Variants in COG6 observed in about 807,000 individuals in gnomAD.
COG6 encodes the protein conserved oligomeric Golgi complex subunit 6.
COG6 carries 74 observed loss-of-function variants against 88.8 expected under a neutral mutation model. The observed-to-expected ratio is 0.83, with a 90% CI of 0.69 to 1.01. COG6 has a LOEUF of 1.01. Among genes scored for constraint, COG6 ranks in the 50% least tolerant of loss-of-function variants. COG6 has a pLI of 0.00. For missense variants in COG6, 800 were observed against 797.9 expected, an observed-to-expected ratio of 1.00 and a Z score of -0.03; for synonymous variants, 286 against 278.7, an observed-to-expected ratio of 1.03 and a Z score of -0.26.
intron 8 of COG6, among the ~76,000 whole-genome samples, chr13:39,684,174 T>C (rs1366960622): frequency 6.8e-6 from 1 of 147,922 alleles, no homozygotes; most frequent in Non-Finnish European, 1.5e-5. Context: ...GGAACTATAA[T>C]AGGCAAAGAA....
intron 13 of COG6, among the ~76,000 whole-genome samples, chr13:39,716,936 T>C (rs116069752): frequency 6.6e-6 from 1 of 152,154 alleles, no homozygotes; most frequent in Non-Finnish European, 1.5e-5. Flanking sequence ...TTTGTTGGAG[T>C]CTTGACCAGT....
At chr13:39,708,148 T>G (rs369959523) in intron 13 of COG6, among the ~76,000 whole-genome samples, 218 of 152,306 alleles carry the variant, frequency 1.4e-3, no homozygotes, top group African/African-American at 4.8e-3. Context: ...GAACAATTTT[T>G]CATGTTTATT....
intron 15 of COG6, among the ~76,000 whole-genome samples, chr13:39,722,148 T>C (rs1878881654): frequency 6.6e-6 from 1 of 152,066 alleles, no homozygotes; most frequent in Non-Finnish European, 1.5e-5. Context: ...ATTTGCTCTG[T>C]ATTACTTTCC....
At position 39,692,839 on chromosome 13, in the gene COG6, G is replaced by A. The variant is rs577560193; in HGVS notation, c.1075-1795G>A. On this transcript the variant is annotated intron_variant, in intron 11 of 18. Transcript: ENST00000455146. ...TTAGGATTTATTGAGTGCTTATGAT[G>A]TGCCAGGGTCTGTTCCAACATACTT... is the stretch of plus-strand genomic sequence containing the variant. 6.7e-4 allele frequency among the ~76,000 whole-genome samples: 102 copies of A among 152,134 alleles called. 1 individual carries two copies. Among genetic ancestry groups the A allele is most frequent in the African/African-American group, 2.4e-3 (101 of 41,526 alleles).
At chr13:39,774,571 TTTC>T (rs1354491368) in intron 18 of COG6, among the ~76,000 whole-genome samples, 3 of 151,902 alleles carry the variant, frequency 2.0e-5, no homozygotes, top group Non-Finnish European at 4.4e-5. Context: ...TGGAAAAAAA[TTTC>T]TTTTTTCTTT....
At chr13:39,745,129 A>G (rs1880270958) in intron 18 of COG6, among the ~76,000 whole-genome samples, 1 of 152,244 alleles carries the variant, frequency 6.6e-6, no homozygotes, top group South Asian at 2.1e-4. Context: ...ACCTAAAACC[A>G]TAAAAACCCT....
At chr13:39,739,534 A>G (rs1050637292) in intron 18 of COG6, among the ~76,000 whole-genome samples, 2 of 152,146 alleles carry the variant, frequency 1.3e-5, no homozygotes, top group African/African-American at 4.8e-5. Context: ...GATATAAAAA[A>G]TCATTTAAAA....
At chr13:39,697,620 C>T (rs1425723371) in intron 12 of COG6, among the ~76,000 whole-genome samples, 2 of 152,050 alleles carry the variant, frequency 1.3e-5, no homozygotes, top group East Asian at 1.9e-4. Flanking sequence ...TGCATTGTCT[C>T]ACCATGTAGT....
intron 4 of COG6, among the ~76,000 whole-genome samples, chr13:39,670,373 G>A (rs1429982550): frequency 2.0e-5 from 3 of 151,960 alleles, no homozygotes; most frequent in African/African-American, 4.8e-5. Context: ...AATAATCTCT[G>A]GAGAATGTTT....
At position 39,682,960 on chromosome 13, in the gene COG6, G is replaced by GT. The variant is rs138895902; in HGVS notation, c.788+697dup. Among the ~76,000 whole-genome samples, 1,229 of 152,152 alleles carry GT rather than the reference G, an allele frequency of 8.1e-3. 18 individuals are homozygous for GT. The highest frequency in any genetic ancestry group is 0.028 in the African/African-American group (1,165 of 41,516). ...AGGAAACGAGGGGACTCTTACCAAG[G>GT]TAGTGCATCCTGCTTTGAATCATCC... is the stretch of plus-strand genomic sequence containing the variant. On this transcript the variant is annotated intron_variant, in intron 8 of 18. Transcript: ENST00000455146.
Position 39,724,491 on chromosome 13 carries a change from T to C in COG6, c.1693-17T>C. 2 of 1,533,494 alleles carry C rather than the reference T, an allele frequency of 1.3e-6. No homozygotes were observed. The highest frequency in any genetic ancestry group is 1.8e-6 in the Non-Finnish European group (2 of 1,132,356). 95.0% of individuals were successfully genotyped at this position (1,533,494 alleles called of 1,614,324 possible). A position where few individuals can be genotyped will look rare whatever the true frequency, so the allele number is the denominator to read the frequency against. ...TTTACATCTTGGATCTGCTTTTTTT[T>C]TTTTTTTTTTAAATAGGGCTCTTTA... On this transcript the variant is annotated splice_polypyrimidine_tract_variant and intron_variant, in intron 16 of 18. Coordinates refer to ENST00000455146, the MANE Select transcript of COG6 (RefSeq NM_020751.3).
At chr13:39,738,010 C>T (rs77674388) in intron 18 of COG6, among the ~76,000 whole-genome samples, 3,314 of 152,228 alleles carry the variant, frequency 0.022, 53 homozygotes, top group Middle Eastern at 0.034. Flanking sequence ...TCTCTCTCCG[C>T]GCCATGCTGC....
At chr13:39,719,599 T>C in intron 14 of COG6, 61 bp from the exon 15 acceptor site, 8 of 1,493,524 alleles carry the variant, frequency 5.4e-6, no homozygotes, top group Non-Finnish European at 7.4e-6. Context: ...TTAAATATCA[T>C]TAACCCAAGA....
At chr13:39,702,851 A>C (rs1036876347) in intron 13 of COG6, among the ~76,000 whole-genome samples, 2 of 152,112 alleles carry the variant, frequency 1.3e-5, no homozygotes, top group Non-Finnish European at 1.5e-5. Flanking sequence ...GAAAAGATCA[A>C]TATACAAATG....
chr13:39,668,983 C>T (rs1875453578), intron 4 of COG6, among the ~76,000 whole-genome samples: 1 of 151,302 alleles, frequency 6.6e-6, no homozygotes, highest in Non-Finnish European at 1.5e-5. Flanking sequence ...TACATTTTAT[C>T]ATTTGTAGAT....
At chr13:39,739,997 C>CT (rs1383281442) in intron 18 of COG6, among the ~76,000 whole-genome samples, 1 of 151,952 alleles carries the variant, frequency 6.6e-6, no homozygotes, top group Non-Finnish European at 1.5e-5. Flanking sequence ...AAGTAAAAGA[C>CT]TTTATTATAA....
intron 18 of COG6, among the ~76,000 whole-genome samples, chr13:39,741,810 A>G (rs1880057933): frequency 6.6e-6 from 1 of 152,124 alleles, no homozygotes; most frequent in African/African-American, 2.4e-5. Flanking sequence ...TGTCAGATTC[A>G]CCAAGATTGA....
intron 18 of COG6, among the ~76,000 whole-genome samples, chr13:39,740,513 CA>C (rs1879988569): frequency 6.6e-6 from 1 of 152,160 alleles, no homozygotes; most frequent in South Asian, 2.1e-4. Flanking sequence ...GAAGTAGAGC[CA>C]TGATTTGTAT....
intron 4 of COG6, among the ~76,000 whole-genome samples, chr13:39,672,455 T>G (rs1875707867): frequency 1.3e-5 from 2 of 152,024 alleles, no homozygotes. Flanking sequence ...TTAACCTACT[T>G]TCTGCCTCTC....
Sources: gnomAD v4.1 joint callset for allele counts (sites outside exome capture counted in the v4.1 genomes callset) on GRCh38, gnomAD v4.1.1 for gene constraint, MANE v1.5 for transcripts, NCBI Gene and HGNC (gene_info 2026-07-23, HGNC 2026-07-21) for gene names.